VPS39: variants seen among roughly 807,000 people sequenced by gnomAD.
VPS39 encodes vam6/Vps39-like protein.
A neutral mutation model predicts 121.0 loss-of-function variants in VPS39; 70 were observed. The observed-to-expected ratio is 0.58, with a 90% CI of 0.48 to 0.71. The LOEUF (loss-of-function observed/expected upper bound fraction) is 0.71. Among genes scored for constraint, VPS39 ranks in the 30% least tolerant of loss-of-function variants. VPS39 has a pLI of 0.00. For missense variants in VPS39, 818 were observed against 1,051.5 expected (o/e 0.78, Z 3.07); for synonymous variants, 378 against 398.1 (o/e 0.95, Z 0.60).
At chr15:42,188,611 C>T (rs1475689346) in intron 5 of VPS39, among the ~76,000 whole-genome samples, 1 of 152,204 alleles carries the variant, frequency 6.6e-6, no homozygotes, top group Non-Finnish European at 1.5e-5. Context: ...AACCCACGCA[C>T]AGGGAATGCA....
chr15:42,165,035 G>A lies in VPS39; in HGVS notation c.1858C>T (p.Gln620Ter). 6.2e-7 allele frequency: 1 copy of A among 1,614,230 alleles called. No homozygotes were observed. The highest frequency in any genetic ancestry group is 8.5e-7 in the Non-Finnish European group (1 of 1,180,054). The change falls in exon 18 of 25, where the codon CAA becomes TAA. Residue 620 changes from glutamine to a stop codon, truncating the protein, a stop_gained. Coordinates refer to ENST00000318006, the MANE Select transcript of VPS39 (RefSeq NM_015289.5). LOFTEE classifies it high-confidence loss of function. Reference sequence around the variant, plus strand: ...AGGAGATACTCCTTCATCAGACCTTGCACCTTCTCACAGTATAGCTGGATC... The same window carrying A: ...AGGAGATACTCCTTCATCAGACCTTACACCTTCTCACAGTATAGCTGGATC... ...CLIQLYCEKV[Q>*]GLMKEYLLSF... is the part of the protein sequence containing the mutation.
At chr15:42,163,224 T>C (rs2049171898) in intron 21 of VPS39, 126 bp downstream of exon 21, 3 of 1,172,040 alleles carry the variant, frequency 2.6e-6, no homozygotes, top group East Asian at 2.4e-5. Context: ...AATACACACA[T>C]GCAAGATCAA....
At chr15:42,183,382 G>T (rs140532345) in intron 8 of VPS39, among the ~76,000 whole-genome samples, 1 of 152,010 alleles carries the variant, frequency 6.6e-6, no homozygotes, top group Admixed American at 6.6e-5. Flanking sequence ...GATTACAGGC[G>T]TGAGCCACTG....
chr15:42,192,938 C>A (rs1349551201), intron 2 of VPS39, among the ~76,000 whole-genome samples: 1 of 152,016 alleles, frequency 6.6e-6, no homozygotes, highest in Non-Finnish European at 1.5e-5. Context: ...TGCCACCATG[C>A]CCGGCTAATT....
chr15:42,187,703 C>A, intron 6 of VPS39, 55 bp downstream of exon 6: 1 of 1,513,292 alleles, frequency 6.6e-7, no homozygotes, highest in East Asian at 2.3e-5. Context: ...TTCACTAGAA[C>A]CGAGCCACTG....
At chr15:42,207,482 G>C (rs560522639) in intron 1 of VPS39, among the ~76,000 whole-genome samples, 3 of 152,308 alleles carry the variant, frequency 2.0e-5, no homozygotes, top group African/African-American at 7.2e-5. Context: ...TTTCAAGACA[G>C]TCTGGAAACT....
At chr15:42,192,201 C>A (rs2049842762) in intron 2 of VPS39, 2 of 1,100,232 alleles carry the variant, frequency 1.8e-6, no homozygotes, top group South Asian at 2.7e-5. Flanking sequence ...ACCAATGAGT[C>A]AAAAAGAGAA....
intron 8 of VPS39, among the ~76,000 whole-genome samples, chr15:42,181,539 T>C (rs980934012): frequency 2.6e-5 from 4 of 152,320 alleles, no homozygotes; most frequent in South Asian, 2.1e-4. Context: ...AGGTGGTAAA[T>C]TGTATGTTAT....
At chr15:42,187,504 C>T (rs768976646) in intron 6 of VPS39, 141 bp from the exon 7 acceptor site, 7 of 799,424 alleles carry the variant, frequency 8.8e-6, no homozygotes, top group Middle Eastern at 2.5e-4. Context: ...GGCCAGGAAA[C>T]TACCCTTAAT....
chr15:42,167,684 C>T, intron 12 of VPS39, 147 bp from the exon 13 acceptor site: 2 of 989,420 alleles, frequency 2.0e-6, no homozygotes, highest in Non-Finnish European at 2.9e-6. Flanking sequence ...TGCCAAATTG[C>T]CACAGAGACA....
rs869280235 is a variant in VPS39 at position 42,170,741 on chromosome 15, A to ATTTTTTTTTTTT, written c.1091-887_1091-876dup. Among the ~76,000 whole-genome samples the ATTTTTTTTTTTT allele has an allele frequency of 3.6e-4, 18 of 50,484 alleles. 7 individuals are homozygous for ATTTTTTTTTTTT. Among genetic ancestry groups the ATTTTTTTTTTTT allele is most frequent in the Non-Finnish European group, 5.6e-4 (16 of 28,632 alleles). The allele number at this position is 50,484 out of a possible 152,430, so 33.1% of individuals were successfully genotyped here. A position where few individuals can be genotyped will look rare whatever the true frequency, so the allele number is the denominator to read the frequency against. On this transcript the variant is annotated intron_variant, in intron 11 of 24. Coordinates refer to ENST00000318006, the MANE Select transcript of VPS39 (RefSeq NM_015289.5). ...ATGGTGTTCTCACAGATGCTCGCAGATTTTTTTTTTTTTTTTTTTTTTTTT... is the reference window on the plus strand; with the variant it reads ...ATGGTGTTCTCACAGATGCTCGCAGATTTTTTTTTTTTTTTTTTTTTTTTTTTTTTTTTTTTT...
intron 10 of VPS39, 64 bp from the exon 11 acceptor site, chr15:42,173,916 G>A: frequency 6.3e-7 from 1 of 1,581,206 alleles, no homozygotes. Context: ...GTATGTTCTT[G>A]ATGTTAGAGA....
chr15:42,183,987 A>C (rs752699900), intron 8 of VPS39, among the ~76,000 whole-genome samples: 1 of 149,522 alleles, frequency 6.7e-6, no homozygotes, highest in African/African-American at 2.5e-5. Context: ...TAAGAACAGA[A>C]GCACCTAATG....
rs960568319 is a variant in VPS39, at chr15:42,187,056, G to A, written c.534+215C>T. On this transcript the variant is annotated intron_variant, in intron 7 of 24. Transcript: ENST00000318006. ...AATACACACTGTGGATCATCATTAC[G>A]TAAAGAACTGAGCGTTGACTCTTGG... is the stretch of plus-strand genomic sequence containing the variant. Among the ~76,000 whole-genome samples, 4 of 152,126 alleles carry A rather than the reference G, an allele frequency of 2.6e-5. No homozygotes were observed. In the East Asian group the frequency reaches 5.8e-4, roughly 22 times the overall value.
At chr15:42,200,436 CAAT>C (rs2050043675) in intron 1 of VPS39, among the ~76,000 whole-genome samples, 1 of 151,970 alleles carries the variant, frequency 6.6e-6, no homozygotes, top group South Asian at 2.1e-4. Flanking sequence ...CCAACCTCAG[CAAT>C]AATAGCTAAG....
At chr15:42,173,651 T>A in intron 11 of VPS39, 72 bp downstream of exon 11, 1 of 1,559,902 alleles carries the variant, frequency 6.4e-7, no homozygotes, top group Non-Finnish European at 8.7e-7. Flanking sequence ...AAGTCTGTTA[T>A]CATTTCTCCC....
At chr15:42,205,144 C>T (rs2050143014) in intron 1 of VPS39, among the ~76,000 whole-genome samples, 1 of 151,950 alleles carries the variant, frequency 6.6e-6, no homozygotes, top group African/African-American at 2.4e-5. Flanking sequence ...TTAATGAATA[C>T]CCATTGAGTC....
intron 22 of VPS39, 51 bp downstream of exon 22, chr15:42,162,281 A>T (rs1202339781): frequency 6.3e-7 from 1 of 1,596,386 alleles, no homozygotes; most frequent in Non-Finnish European, 8.5e-7. Flanking sequence ...TCCTCTTCTC[A>T]TTCGGTGCTC....
chr15:42,165,891 G>A (rs2049232129), intron 16 of VPS39, 75 bp from the exon 17 acceptor site: 22 of 1,405,314 alleles, frequency 1.6e-5, no homozygotes, highest in Middle Eastern at 1.8e-4. Context: ...GCATGTGAGC[G>A]CAGGGATCAA....
Sources: gnomAD v4.1 joint callset for allele counts (sites outside exome capture counted in the v4.1 genomes callset) on GRCh38, gnomAD v4.1.1 for gene constraint, MANE v1.5 for transcripts, NCBI Gene and HGNC (gene_info 2026-07-23, HGNC 2026-07-21) for gene names.